Variants in ZFR observed in about 807,000 individuals in gnomAD.
ZFR encodes the protein zinc finger RNA-binding protein.
In ZFR, 19 loss-of-function variants were observed where a neutral mutation model predicts 130.7. The ratio of observed to expected loss-of-function variants is 0.15; its 90% CI spans 0.10 to 0.21. The LOEUF (loss-of-function observed/expected upper bound fraction) is 0.21, where lower values mean the gene tolerates loss of function less well. Ranked by LOEUF, ZFR falls within the 10% of genes least tolerant of loss-of-function variation. The pLI, the probability that ZFR is intolerant of heterozygous loss-of-function variation, is 1.00. For missense variants in ZFR, 872 were observed against 1,321.5 expected (o/e 0.66, Z 5.27); for synonymous variants, 466 against 456.9 (o/e 1.02, Z -0.25).
intron 6 of ZFR, among the ~76,000 whole-genome samples, chr5:32,404,545 T>C (rs1753537357): frequency 6.6e-6 from 1 of 152,208 alleles, no homozygotes; most frequent in Non-Finnish European, 1.5e-5. Context: ...GCTATGTTTA[T>C]AAAACTGACT....
At chr5:32,415,471 C>CT (rs1441294996) in intron 4 of ZFR, among the ~76,000 whole-genome samples, 1 of 145,234 alleles carries the variant, frequency 6.9e-6, no homozygotes, top group Non-Finnish European at 1.5e-5. Flanking sequence ...ACTAAACAAA[C>CT]TTTTCTGAAA....
Position 32,419,917 on chromosome 5 carries a change from G to T in ZFR, c.324C>A (p.Gly108=). The T allele has an allele frequency of 6.2e-7, 1 of 1,613,950 alleles. No homozygotes were observed. The change falls in exon 3 of 20, where the codon GGC becomes GGA. Residue 108 remains glycine (G), a synonymous_variant. Transcript: ENST00000265069. The part of the protein sequence containing the change: ...AAAATAAAYG[G]YPTAHTATDY... ...CAGTTGCTGTGTGTGCAGTGGGGTA[G>T]CCTCCATAAGCAGCAGCTGTTGCAG...
At chr5:32,371,887 C>A (rs2111684480) in intron 17 of ZFR, among the ~76,000 whole-genome samples, 1 of 151,806 alleles carries the variant, frequency 6.6e-6, no homozygotes, top group Non-Finnish European at 1.5e-5. Flanking sequence ...CTTCATAGAG[C>A]CCCAAATTAG....
At chr5:32,373,137 G>A (rs1469798065) in intron 17 of ZFR, among the ~76,000 whole-genome samples, 4 of 152,146 alleles carry the variant, frequency 2.6e-5, no homozygotes, top group Admixed American at 2.6e-4. Context: ...GCTCACGCCT[G>A]TAATCCCAGC....
At chr5:32,420,130 A>G (rs749957199) in intron 2 of ZFR, 27 bp from the exon 3 acceptor site, 11 of 1,462,070 alleles carry the variant, frequency 7.5e-6, no homozygotes, top group Middle Eastern at 2.6e-4. Context: ...AAGAATAAAT[A>G]TAATACAATT....
intron 2 of ZFR, among the ~76,000 whole-genome samples, chr5:32,432,466 T>G (rs545191730): frequency 8.9e-4 from 136 of 152,272 alleles, no homozygotes; most frequent in Non-Finnish European, 1.7e-3. Flanking sequence ...TGGTAAAGTT[T>G]CTATTTAAGT....
intron 10 of ZFR, among the ~76,000 whole-genome samples, chr5:32,395,754 TAATG>T (rs1168251068): frequency 6.6e-6 from 1 of 152,194 alleles, no homozygotes; most frequent in Non-Finnish European, 1.5e-5. Flanking sequence ...CACTTCCACT[TAATG>T]AATAGTAAAT....
chr5:32,420,866 T>G (rs1753940519), intron 2 of ZFR, among the ~76,000 whole-genome samples: 1 of 152,312 alleles, frequency 6.6e-6, no homozygotes, highest in South Asian at 2.1e-4. Flanking sequence ...CAATGGAATA[T>G]CTATTATTTT....
At chr5:32,422,010 A>G (rs547779985) in intron 2 of ZFR, among the ~76,000 whole-genome samples, 24 of 152,340 alleles carry the variant, frequency 1.6e-4, no homozygotes, top group African/African-American at 5.5e-4. Context: ...TGAAACTTGT[A>G]TTTAACATTT....
intron 15 of ZFR, among the ~76,000 whole-genome samples, chr5:32,384,565 A>T (rs749331341): frequency 1.3e-5 from 2 of 152,214 alleles, no homozygotes; most frequent in Non-Finnish European, 2.9e-5. Flanking sequence ...TTTAATATTA[A>T]GTATGTAGTA....
chr5:32,418,472 A>G (rs2111819957), intron 3 of ZFR, among the ~76,000 whole-genome samples: 1 of 152,204 alleles, frequency 6.6e-6, no homozygotes, highest in South Asian at 2.1e-4. Context: ...CCTTTTCAGT[A>G]TTTCTTTTTC....
intron 11 of ZFR, chr5:32,394,548 G>T: frequency 6.4e-6 from 1 of 157,280 alleles, no homozygotes. Context: ...TCCAGGGCTG[G>T]GGCTGGGGGA....
chr5:32,382,750 T>C lies in ZFR; in HGVS notation c.2642-2578A>G, dbSNP rs563455383. Among the ~76,000 whole-genome samples the C allele has an allele frequency of 5.3e-5, 8 of 152,174 alleles. No individual in the cohort carries two copies. The South Asian group carries it at 1.2e-3, about 24-fold the overall frequency. On this transcript the variant is annotated intron_variant, in intron 15 of 19. Coordinates refer to ENST00000265069, the MANE Select transcript of ZFR (RefSeq NM_016107.5). ...TCAGCCTCCCAAGTAGCTGGGATTA[T>C]AGGCACTCACCACCACGCCCAGCTA...
chr5:32,405,962 C>A lies in ZFR; in HGVS notation c.1032+812G>T, dbSNP rs73757229. 7.4e-3 allele frequency among the ~76,000 whole-genome samples: 1,131 copies of A among 152,194 alleles called. 18 individuals are homozygous for A. Among genetic ancestry groups the A allele is most frequent in the African/African-American group, 0.026 (1,076 of 41,546 alleles). On this transcript the variant is annotated intron_variant, in intron 6 of 19. Coordinates refer to ENST00000265069, the MANE Select transcript of ZFR (RefSeq NM_016107.5). The stretch of plus-strand genomic sequence containing the variant: ...AAGTAAACGTGTTACACAGGTAGGG[C>A]AAATGAGAGATGGATATAACTTGGA...
chr5:32,419,919 C>T lies in ZFR; in HGVS notation c.322G>A (p.Gly108Ser). 6.2e-7 allele frequency: 1 copy of T among 1,613,896 alleles called. No homozygotes were observed. Among genetic ancestry groups the T allele is most frequent in the Non-Finnish European group, 8.5e-7 (1 of 1,179,952 alleles). ...GTTGCTGTGTGTGCAGTGGGGTAGC[C>T]TCCATAAGCAGCAGCTGTTGCAGCA... ...AAAATAAAYG[G>S]YPTAHTATDY... Residue 108 changes from glycine (G) to serine (S), a missense_variant, in exon 3 of 20, where the codon GGC becomes AGC. This residue lies in a region of ZFR where 240 missense variants were observed against 441.2 expected (regional missense o/e 0.54). Coordinates refer to ENST00000265069, the MANE Select transcript of ZFR (RefSeq NM_016107.5).
intron 17 of ZFR, among the ~76,000 whole-genome samples, chr5:32,377,214 TTC>T (rs143572606): frequency 1.3e-4 from 19 of 147,424 alleles, no homozygotes; most frequent in South Asian, 1.1e-3. Flanking sequence ...TTATTTCTCT[TTC>T]TCTCTCTCTC....
At chr5:32,358,641 A>T (rs1310170139) in intron 19 of ZFR, among the ~76,000 whole-genome samples, 1 of 152,126 alleles carries the variant, frequency 6.6e-6, no homozygotes, top group African/African-American at 2.4e-5. Flanking sequence ...AAGAAAAAAA[A>T]AAATTTAAAT....
intron 11 of ZFR, 21 bp from the exon 12 acceptor site, chr5:32,390,458 T>A: frequency 6.3e-7 from 1 of 1,599,548 alleles, no homozygotes. Flanking sequence ...AAGAATGACA[T>A]TATAAGCATA....
chr5:32,430,795 G>A (rs978685868), intron 2 of ZFR, among the ~76,000 whole-genome samples: 2 of 152,178 alleles, frequency 1.3e-5, no homozygotes, highest in African/African-American at 4.8e-5. Context: ...AAACTCTCAG[G>A]CTGATTGTGG....
Sources: allele counts gnomAD v4.1 joint callset (sites outside exome capture counted in the v4.1 genomes callset), GRCh38; gene constraint gnomAD v4.1.1; regional missense constraint gnomAD v4.1.1; transcripts MANE v1.5; gene names NCBI Gene and HGNC (gene_info 2026-07-23, HGNC 2026-07-21).